Variants in GHR observed in about 807,000 individuals in gnomAD.
GHR encodes the protein GH receptor.
Under a neutral mutation model 67.1 loss-of-function variants are expected in GHR, and 35 were observed. The ratio of observed to expected loss-of-function variants is 0.52; its 90% confidence interval spans 0.40 to 0.69. GHR has a LOEUF of 0.69. GHR is among the 30% of genes least tolerant of loss of function. GHR has a pLI of 0.00. For missense variants in GHR, 792 were observed against 764.6 expected (o/e 1.04, Z -0.42); for synonymous variants, 272 against 269.1 (o/e 1.01, Z -0.10).
At chr5:42,570,461 T>C (rs1750228120) in intron 2 of GHR, among the ~76,000 whole-genome samples, 1 of 152,240 alleles carries the variant, frequency 6.6e-6, no homozygotes, top group African/African-American at 2.4e-5. Flanking sequence ...TAAAAAGTCT[T>C]TCAAGAAGCT....
At chr5:42,655,073 C>T (rs1755188541) in intron 3 of GHR, among the ~76,000 whole-genome samples, 1 of 152,104 alleles carries the variant, frequency 6.6e-6, no homozygotes, top group Non-Finnish European at 1.5e-5. Context: ...CCTCATTCTC[C>T]TATATAGTCC....
chr5:42,499,416 G>A (rs1430988909), intron 1 of GHR, among the ~76,000 whole-genome samples: 1 of 152,188 alleles, frequency 6.6e-6, no homozygotes, highest in Non-Finnish European at 1.5e-5. Context: ...GGTGGTGCCT[G>A]TTGTGATATA....
intron 3 of GHR, among the ~76,000 whole-genome samples, chr5:42,665,864 C>CG (rs1263116970): frequency 1.3e-5 from 2 of 152,030 alleles, no homozygotes; most frequent in Non-Finnish European, 2.9e-5. Flanking sequence ...TCTTGCATGG[C>CG]GGCAGAAAAG....
At chr5:42,583,738 T>A (rs530766575) in intron 2 of GHR, among the ~76,000 whole-genome samples, 1 of 152,264 alleles carries the variant, frequency 6.6e-6, no homozygotes, top group African/African-American at 2.4e-5. Context: ...ATATTTTTGT[T>A]TCTTTGTCCC....
At chr5:42,480,480 A>C (rs1323973552) in intron 1 of GHR, among the ~76,000 whole-genome samples, 2 of 152,116 alleles carry the variant, frequency 1.3e-5, no homozygotes, top group South Asian at 2.1e-4. Flanking sequence ...TAATGTTGAC[A>C]TTGGGGTGTT....
chr5:42,587,827 G>C (rs1407250290), intron 2 of GHR, among the ~76,000 whole-genome samples: 1 of 152,076 alleles, frequency 6.6e-6, no homozygotes, highest in Non-Finnish European at 1.5e-5. Context: ...CGTGTTCCCT[G>C]TCCACCATCA....
intron 1 of GHR, among the ~76,000 whole-genome samples, chr5:42,496,404 G>A (rs535724617): frequency 2.3e-3 from 347 of 151,964 alleles, no homozygotes; most frequent in Non-Finnish European, 4.0e-3. Context: ...TTGGTGCAGC[G>A]TTAGTGATAA....
chr5:42,568,702 T>A (rs73751212), intron 2 of GHR, among the ~76,000 whole-genome samples: 1 of 152,198 alleles, frequency 6.6e-6, no homozygotes, highest in Non-Finnish European at 1.5e-5. Context: ...TCAGTCTAGC[T>A]GGGACATGAG....
chr5:42,474,279 G>GAAAGAA (rs1475953442), intron 1 of GHR, among the ~76,000 whole-genome samples: 1 of 124,176 alleles, frequency 8.1e-6, no homozygotes, highest in Admixed American at 8.6e-5. Flanking sequence ...AAGAAAGAAA[G>GAAAGAA]AAAGAAAAAG....
chr5:42,619,208 T>C (rs985324756), intron 2 of GHR, among the ~76,000 whole-genome samples: 6 of 152,032 alleles, frequency 3.9e-5, no homozygotes, highest in Non-Finnish European at 8.8e-5. Context: ...TCTGACATGG[T>C]GAACAGTTCA....
chr5:42,680,255 T>C (rs185285527), intron 3 of GHR, among the ~76,000 whole-genome samples: 14 of 152,302 alleles, frequency 9.2e-5, no homozygotes, highest in Admixed American at 7.2e-4. Context: ...CGGCTGACAA[T>C]AAGTATTTCC....
At chr5:42,639,129 A>C (rs1260232383) in intron 3 of GHR, among the ~76,000 whole-genome samples, 1 of 152,154 alleles carries the variant, frequency 6.6e-6, no homozygotes, top group Non-Finnish European at 1.5e-5. Context: ...AAGGGCAATT[A>C]TTTGCAGCTG....
chr5:42,595,069 T>C (rs1038669577), intron 2 of GHR, among the ~76,000 whole-genome samples: 3 of 152,188 alleles, frequency 2.0e-5, no homozygotes, highest in Admixed American at 1.3e-4. Flanking sequence ...TGATGCTAAA[T>C]TCTGGCTTCA....
chr5:42,643,653 G>A (rs769175355), intron 3 of GHR, among the ~76,000 whole-genome samples: 3 of 151,918 alleles, frequency 2.0e-5, no homozygotes, highest in Non-Finnish European at 4.4e-5. Context: ...AGCCATTTTT[G>A]TAGAGAGAAA....
In GHR at chr5:42,718,888, A is replaced by C. The variant is rs1008194773; in HGVS notation, c.1381A>C (p.Thr461Pro). ...AEKNKPQPLPTEGAESTHQAA... is the reference protein window; with the variant it reads ...AEKNKPQPLPPEGAESTHQAA... ...GAAAAACAAACCACAACCACTTCCT[A>C]CTGAAGGAGCTGAGTCAACTCACCA... Residue 461 changes from threonine (T) to proline (P), a missense_variant, in exon 10 of 10, where the codon ACT (threonine) becomes CCT (proline). Transcript: ENST00000230882. 2 of 1,613,966 alleles carry C rather than the reference A, an allele frequency of 1.2e-6. No homozygotes were observed. Among genetic ancestry groups the C allele is most frequent in the African/African-American group, 2.7e-5 (2 of 74,914 alleles).
intron 7 of GHR, among the ~76,000 whole-genome samples, chr5:42,712,717 G>A (rs1472050103): frequency 2.0e-5 from 3 of 151,998 alleles, no homozygotes; most frequent in African/African-American, 7.2e-5. Flanking sequence ...TAGCTGGCAG[G>A]TACTCAATCT....
chr5:42,521,928 T>A (rs1270316854), intron 1 of GHR, among the ~76,000 whole-genome samples: 1 of 152,250 alleles, frequency 6.6e-6, no homozygotes, highest in African/African-American at 2.4e-5. Context: ...TTATTTGCAT[T>A]TCCCAAATTA....
chr5:42,693,126 A>G (rs998314047), intron 4 of GHR, among the ~76,000 whole-genome samples: 1 of 141,934 alleles, frequency 7.0e-6, no homozygotes, highest in Non-Finnish European at 1.5e-5. Flanking sequence ...TGAATCTCTC[A>G]TTCAAGCATA....
intron 2 of GHR, among the ~76,000 whole-genome samples, chr5:42,602,971 A>G (rs1263854531): frequency 6.6e-6 from 1 of 151,872 alleles, no homozygotes; most frequent in South Asian, 2.1e-4. Context: ...TGTGTTCCCT[A>G]CTCTGCTGCT....
Sources: allele counts gnomAD v4.1 joint callset (sites outside exome capture counted in the v4.1 genomes callset), GRCh38; gene constraint gnomAD v4.1.1; transcripts MANE v1.5; gene names NCBI Gene and HGNC (gene_info 2026-07-23, HGNC 2026-07-21).